The following RXRA variants were observed in gnomAD, a reference collection of about 807,000 sequenced individuals.
The protein encoded by RXRA is retinoic acid receptor RXR-alpha.
A neutral mutation model predicts 44.5 loss-of-function variants in RXRA; 5 were observed. The observed-to-expected ratio is 0.11, with a 90% confidence interval of 0.06 to 0.24. The LOEUF (loss-of-function observed/expected upper bound fraction) is 0.24, where lower values mean the gene tolerates loss of function less well. Among genes scored for constraint, RXRA ranks in the 10% least tolerant of loss-of-function variants. RXRA has a pLI of 1.00. For synonymous variants in RXRA, 291 were observed against 271.4 expected (o/e 1.07, Z -0.71); for missense variants, 412 against 646.5 (o/e 0.64, Z 3.93).
intron 1 of RXRA, among the ~76,000 whole-genome samples, chr9:134,344,596 G>A (rs1483929313): frequency 6.6e-6 from 1 of 152,140 alleles, no homozygotes. Flanking sequence ...GGGCCCTGGA[G>A]CCCTCTCCTC....
chr9:134,401,414 G>A, intron 1 of RXRA: 1 of 692,340 alleles, frequency 1.4e-6, no homozygotes, highest in Non-Finnish European at 2.4e-6. Context: ...TAAAGCCGGG[G>A]TCAGGCGCAG....
intron 5 of RXRA, among the ~76,000 whole-genome samples, chr9:134,418,266 C>T (rs1831273348): frequency 1.3e-5 from 2 of 152,146 alleles, no homozygotes; most frequent in African/African-American, 2.4e-5. Context: ...CCTGGCCACC[C>T]GTGTGAAGGT....
rs780454594 is a variant in RXRA, at chr9:134,436,654, C to T, written c.*40C>T. 39 of 1,610,048 alleles carry T rather than the reference C, an allele frequency of 2.4e-5. No homozygotes were observed. The East Asian group carries it at 5.8e-4, about 24-fold the overall frequency. ...CCTTTGTGCCCACCCGTTCTGGCCA[C>T]CCTGCCTGGACGCCAGCTGTTCTTC... On this transcript the variant is annotated 3_prime_UTR_variant, in exon 10 of 10. Transcript: ENST00000481739.
intron 1 of RXRA, among the ~76,000 whole-genome samples, chr9:134,375,391 G>A (rs1463468570): frequency 6.6e-6 from 1 of 152,168 alleles, no homozygotes; most frequent in Non-Finnish European, 1.5e-5. Context: ...TGGCTTTTGG[G>A]GTCTGAGGGG....
chr9:134,377,790 G>C (rs1013011235), intron 1 of RXRA, among the ~76,000 whole-genome samples: 6 of 152,190 alleles, frequency 3.9e-5, no homozygotes, highest in Non-Finnish European at 7.3e-5. Context: ...CTCGTGCTCT[G>C]CAGACCAGCT....
At position 134,401,678 on chromosome 9, in the gene RXRA, A is replaced by C; in HGVS notation, c.75A>C (p.Arg25=). 1 of 1,612,968 alleles carries C rather than the reference A, an allele frequency of 6.2e-7. No homozygotes were observed. Among genetic ancestry groups the C allele is most frequent in the Non-Finnish European group, 8.5e-7 (1 of 1,179,932 alleles). The change falls in exon 2 of 10, where the codon CGA becomes CGC. Residue 25 remains arginine (R), a synonymous_variant. Coordinates refer to ENST00000481739, the MANE Select transcript of RXRA (RefSeq NM_002957.6). ...VNSSLTSPTG[R]GSMAAPSLHP... ...CCTCCCTCACCTCCCCGACGGGGCGAGGCTCCATGGCTGCCCCCTCGCTGC... is the reference window on the plus strand; with the variant it reads ...CCTCCCTCACCTCCCCGACGGGGCGCGGCTCCATGGCTGCCCCCTCGCTGC...
chr9:134,394,735 G>A (rs1010833189), intron 1 of RXRA, among the ~76,000 whole-genome samples: 5 of 152,148 alleles, frequency 3.3e-5, no homozygotes, highest in South Asian at 2.1e-4. Flanking sequence ...ACTACCCTGC[G>A]TCTCCCAGTC....
intron 1 of RXRA, among the ~76,000 whole-genome samples, chr9:134,350,974 C>T (rs1554749379): frequency 6.6e-6 from 1 of 152,226 alleles, no homozygotes; most frequent in African/African-American, 2.4e-5. Flanking sequence ...TGTGCCTCAG[C>T]AAGGGGGGGC....
At chr9:134,423,981 G>T in intron 6 of RXRA, 1 of 982,682 alleles carries the variant, frequency 1.0e-6, no homozygotes, top group Non-Finnish European at 1.2e-6. Context: ...GGAGGTCCGA[G>T]TCGGGTTGGA....
At chr9:134,430,099 G>A (rs568937081) in intron 7 of RXRA, among the ~76,000 whole-genome samples, 1 of 152,276 alleles carries the variant, frequency 6.6e-6, no homozygotes, top group African/African-American at 2.4e-5. Flanking sequence ...TGTTAGCCAG[G>A]ATGGTCTCGA....
chr9:134,426,994 C>T lies in RXRA; in HGVS notation c.911-2114C>T, dbSNP rs888919276. 10 of 984,988 alleles carry T rather than the reference C, an allele frequency of 1.0e-5. No individual in the cohort carries two copies. The highest frequency in any genetic ancestry group is 1.7e-5 in the African/African-American group (1 of 57,180). 61.0% of individuals were successfully genotyped at this position (984,988 alleles called of 1,614,324 possible). ...CCTGGGAAAACCTGACGGGCTGAGCCGTAGGAGGGGCAGGAGTGGGAGTGG... is the reference window on the plus strand; with the variant it reads ...CCTGGGAAAACCTGACGGGCTGAGCTGTAGGAGGGGCAGGAGTGGGAGTGG... On this transcript the variant is annotated intron_variant, in intron 6 of 9. Coordinates refer to ENST00000481739, the MANE Select transcript of RXRA (RefSeq NM_002957.6). This position sits in a 1 kb window ranked among gnomAD's most constrained non-coding sequence, Gnocchi z 4.6.
intron 1 of RXRA, among the ~76,000 whole-genome samples, chr9:134,336,526 G>A (rs925615174): frequency 1.2e-4 from 18 of 152,206 alleles, no homozygotes; most frequent in African/African-American, 4.3e-4. Context: ...TCCACGGCTG[G>A]AAGTGTGCCG....
chr9:134,355,634 C>T (rs1830274208), intron 1 of RXRA, among the ~76,000 whole-genome samples: 1 of 152,078 alleles, frequency 6.6e-6, no homozygotes, highest in African/African-American at 2.4e-5. Flanking sequence ...GTTTTCAAAG[C>T]TGCCCTCTGC....
intron 1 of RXRA, among the ~76,000 whole-genome samples, chr9:134,333,127 G>T (rs1313346402): frequency 6.6e-6 from 1 of 152,196 alleles, no homozygotes; most frequent in African/African-American, 2.4e-5. Context: ...AGACCATGGA[G>T]GGGACCAGAC....
At chr9:134,378,760 G>T (rs1223900454) in intron 1 of RXRA, among the ~76,000 whole-genome samples, 1 of 152,178 alleles carries the variant, frequency 6.6e-6, no homozygotes, top group Non-Finnish European at 1.5e-5. Context: ...GGTTTGCCGA[G>T]GGAGGCTGCC....
rs114885371 is a variant in RXRA at position 134,352,040 on chromosome 9, G to A, written c.28+25381G>A. Reference sequence around the variant, plus strand: ...GGTCATGGTGCTGGAGCCAGAGGGCGGCTCGGGGCAGCCCGGGGAGGGAGC... The same window carrying A: ...GGTCATGGTGCTGGAGCCAGAGGGCAGCTCGGGGCAGCCCGGGGAGGGAGC... On this transcript the variant is annotated intron_variant, in intron 1 of 9. Coordinates refer to ENST00000481739, the MANE Select transcript of RXRA (RefSeq NM_002957.6). Among the ~76,000 whole-genome samples the A allele has an allele frequency of 5.6e-3, 859 of 152,334 alleles. 9 individuals are homozygous for A. Among genetic ancestry groups the A allele is most frequent in the African/African-American group, 0.02 (817 of 41,576 alleles).
intron 1 of RXRA, among the ~76,000 whole-genome samples, chr9:134,375,263 C>T (rs546746347): frequency 1.3e-3 from 192 of 152,212 alleles, no homozygotes; most frequent in African/African-American, 4.0e-3. Context: ...GAGAGCAGGC[C>T]GGGCCAGAGC....
rs780833238 is a variant in RXRA at position 134,408,950 on chromosome 9, T to C, written c.441T>C (p.Tyr147=). Residue 147 remains tyrosine, a synonymous_variant, in exon 4 of 10, where the codon TAT becomes TAC. Transcript: ENST00000481739. ...ICGDRSSGKH[Y]GVYSCEGCKG... ...TGCCCTGTCCCGCAGGCAAGCACTA[T>C]GGAGTGTACAGCTGCGAGGGGTGCA... 3.2e-6 allele frequency: 5 copies of C among 1,579,990 alleles called. No homozygotes were observed. Among genetic ancestry groups the C allele is most frequent in the Non-Finnish European group, 4.3e-6 (5 of 1,162,364 alleles).
At chr9:134,332,584 A>C (rs62576296) in intron 1 of RXRA, among the ~76,000 whole-genome samples, 3 of 150,414 alleles carry the variant, frequency 2.0e-5, no homozygotes, top group South Asian at 4.2e-4. Context: ...GGGGGTGAAG[A>C]GGGTGAGGAC....
Sources: gnomAD v4.1 joint callset for allele counts (sites outside exome capture counted in the v4.1 genomes callset) on GRCh38, gnomAD v4.1.1 for gene constraint, Gnocchi (gnomAD v3.1) non-coding constraint, MANE v1.5 for transcripts, NCBI Gene and HGNC (gene_info 2026-07-23, HGNC 2026-07-21) for gene names.